The following SNTG2 variants were observed in gnomAD, a reference collection of about 807,000 sequenced individuals.
SNTG2 encodes the protein gamma-2-syntrophin.
Under a neutral mutation model 70.9 loss-of-function variants are expected in SNTG2, and 74 were observed. That is an observed-to-expected ratio of 1.04 (90% CI 0.86 to 1.27). The LOEUF (loss-of-function observed/expected upper bound fraction) is 1.27, where lower values mean the gene tolerates loss of function less well. SNTG2 is among the 50% of genes most tolerant of loss of function. SNTG2 has a pLI of 0.00. For synonymous variants in SNTG2, 278 were observed against 273.8 expected, an observed-to-expected ratio of 1.02 and a Z score of -0.15; for missense variants, 717 against 690.7, an observed-to-expected ratio of 1.04 and a Z score of -0.43.
intron 1 of SNTG2, among the ~76,000 whole-genome samples, chr2:1,027,274 C>T (rs1050197478): frequency 2.0e-5 from 3 of 152,080 alleles, no homozygotes; most frequent in South Asian, 2.1e-4. Context: ...TAAGCAGGTG[C>T]GTCTGACCCA....
intron 16 of SNTG2, among the ~76,000 whole-genome samples, chr2:1,356,036 T>G (rs73179482): frequency 0.025 from 3,830 of 152,262 alleles, 159 homozygotes; most frequent in African/African-American, 0.087. Flanking sequence ...AAAATCAGGT[T>G]TTTTGTTTTT....
At chr2:1,050,673 C>T (rs189613256) in intron 1 of SNTG2, among the ~76,000 whole-genome samples, 78 of 152,156 alleles carry the variant, frequency 5.1e-4, no homozygotes, top group Middle Eastern at 3.4e-3. Flanking sequence ...AATTTAGAGC[C>T]CCTTTATGAA....
intron 16 of SNTG2, among the ~76,000 whole-genome samples, chr2:1,324,369 A>T (rs1572984052): frequency 6.6e-6 from 1 of 152,382 alleles, no homozygotes; most frequent in East Asian, 1.9e-4. Flanking sequence ...TAAAACAATA[A>T]GACATGCATA....
intron 1 of SNTG2, among the ~76,000 whole-genome samples, chr2:977,769 C>A (rs757855529): frequency 6.6e-6 from 1 of 152,114 alleles, no homozygotes; most frequent in Admixed American, 6.5e-5. Flanking sequence ...GCCAACGTCA[C>A]GGCCATGTGG....
intron 6 of SNTG2, among the ~76,000 whole-genome samples, chr2:1,151,530 C>T (rs567762423): frequency 6.6e-6 from 1 of 152,312 alleles, no homozygotes; most frequent in South Asian, 2.1e-4. Context: ...TGCAGCTTTC[C>T]CCCTAGATTG....
intron 1 of SNTG2, among the ~76,000 whole-genome samples, chr2:1,036,818 G>A (rs1661155878): frequency 6.6e-6 from 1 of 152,178 alleles, no homozygotes; most frequent in Non-Finnish European, 1.5e-5. Context: ...ACAAGACCTT[G>A]CCCAGCGTTT....
At chr2:1,243,525 A>G (rs891290024) in intron 11 of SNTG2, among the ~76,000 whole-genome samples, 10 of 152,244 alleles carry the variant, frequency 6.6e-5, no homozygotes, top group Non-Finnish European at 1.2e-4. Context: ...TATTTTAGCC[A>G]AGATTCAAGA....
rs1423322912 is a variant in SNTG2, at chr2:953,976, T to C, written c.72+2908T>C. On this transcript the variant is annotated intron_variant, in intron 1 of 16. Transcript: ENST00000308624. Reference sequence around the variant, plus strand: ...GGCAGAGGGGCTGGCATTGCAGTTCTCGGTGACAGAGGGTGTGTTTGCATC... The same window carrying C: ...GGCAGAGGGGCTGGCATTGCAGTTCCCGGTGACAGAGGGTGTGTTTGCATC... Among the ~76,000 whole-genome samples the C allele has an allele frequency of 1.4e-4, 22 of 152,278 alleles. No individual in the cohort carries two copies. The East Asian group carries it at 3.7e-3, about 25-fold the overall frequency.
intron 1 of SNTG2, among the ~76,000 whole-genome samples, chr2:1,051,745 G>A (rs771281625): frequency 3.3e-5 from 5 of 152,204 alleles, no homozygotes; most frequent in East Asian, 1.9e-4. Flanking sequence ...CCACAGGAGC[G>A]ATCTGGAAGC....
intron 1 of SNTG2, among the ~76,000 whole-genome samples, chr2:973,718 A>AT: frequency 6.7e-6 from 1 of 149,018 alleles, no homozygotes; most frequent in Admixed American, 6.7e-5. Context: ...TTCCTTTTTC[A>AT]TTTTTGTTGT....
Position 1,165,582 on chromosome 2 carries a change from C to T in SNTG2, c.446C>T (p.Thr149Ile). 8 of 1,612,908 alleles carry T rather than the reference C, an allele frequency of 5.0e-6. No homozygotes were observed. Among genetic ancestry groups the T allele is most frequent in the South Asian group, 3.3e-5 (3 of 90,752 alleles). The change falls in exon 7 of 17, where the codon ACC becomes ATC. Residue 149 changes from threonine (T) to isoleucine (I), a missense_variant. Physicochemically the swap from Thr to Ile is moderately conservative, Grantham distance 89. Transcript: ENST00000308624. ...HLLRNAGDEV[T>I]ITVEYLREAP... Reference sequence around the variant, plus strand: ...CTGAGAAATGCTGGCGATGAAGTTACCATCACCGTTGAGTATCTCAGGGAA... The same window carrying T: ...CTGAGAAATGCTGGCGATGAAGTTATCATCACCGTTGAGTATCTCAGGGAA...
At chr2:1,236,859 G>A (rs1676693460) in intron 9 of SNTG2, among the ~76,000 whole-genome samples, 1 of 152,014 alleles carries the variant, frequency 6.6e-6, no homozygotes, top group African/African-American at 2.4e-5. Context: ...AAATATGTTT[G>A]CTTTGTTCTG....
At chr2:1,298,526 G>A (rs1680316600) in intron 14 of SNTG2, among the ~76,000 whole-genome samples, 1 of 152,166 alleles carries the variant, frequency 6.6e-6, no homozygotes, top group Non-Finnish European at 1.5e-5. Context: ...AAACCAGTAA[G>A]CATTGGTAGA....
At chr2:1,134,326 A>T (rs1327926007) in intron 4 of SNTG2, among the ~76,000 whole-genome samples, 1 of 152,030 alleles carries the variant, frequency 6.6e-6, no homozygotes, top group Non-Finnish European at 1.5e-5. Context: ...CATCCTGCTG[A>T]TTGGTCCATT....
At chr2:1,308,327 C>T (rs962364004) in intron 14 of SNTG2, among the ~76,000 whole-genome samples, 167 bp from the exon 15 acceptor site, 1 of 152,076 alleles carries the variant, frequency 6.6e-6, no homozygotes, top group African/African-American at 2.4e-5. Context: ...TGCAGTTGTT[C>T]CTGTGGGTCT....
chr2:1,174,199 C>T (rs1037331655), intron 8 of SNTG2, among the ~76,000 whole-genome samples: 2 of 152,126 alleles, frequency 1.3e-5, no homozygotes, highest in African/African-American at 4.8e-5. Flanking sequence ...TCTGTGCAGT[C>T]TTCCATACTC....
intron 9 of SNTG2, among the ~76,000 whole-genome samples, chr2:1,218,535 T>A (rs138992873): frequency 2.2e-4 from 33 of 152,236 alleles, no homozygotes; most frequent in Non-Finnish European, 4.6e-4. Flanking sequence ...CAAAGCTGGA[T>A]TTGAGCCAGG....
intron 14 of SNTG2, 46 bp downstream of exon 14, chr2:1,267,617 TCTG>T: frequency 1.3e-6 from 2 of 1,538,746 alleles, no homozygotes; most frequent in Non-Finnish European, 1.8e-6. Flanking sequence ...TGCTCGGGTG[TCTG>T]AGACATAGCA....
chr2:1,080,142 T>A (rs1009841356), intron 1 of SNTG2, among the ~76,000 whole-genome samples: 20 of 151,284 alleles, frequency 1.3e-4, no homozygotes, highest in African/African-American at 4.9e-4. Context: ...GGACAAGCGA[T>A]GGCTTAGTGA....
Sources: gnomAD v4.1 joint callset for allele counts (sites outside exome capture counted in the v4.1 genomes callset) on GRCh38, gnomAD v4.1.1 for gene constraint, MANE v1.5 for transcripts, NCBI Gene and HGNC (gene_info 2026-07-23, HGNC 2026-07-21) for gene names.